Variants in CREB5 observed in about 807,000 individuals in gnomAD.
CREB5 encodes the protein cAMP responsive element binding protein 5, also known as cyclic AMP-responsive element-binding protein 5.
CREB5 carries 19 observed loss-of-function variants against 57.1 expected under a neutral mutation model. The observed-to-expected ratio is 0.33, with a 90% CI of 0.23 to 0.49. CREB5 has a LOEUF of 0.49. Among genes scored for constraint, CREB5 ranks in the 20% least tolerant of loss-of-function variants. The probability of loss-of-function intolerance (pLI) is 0.99; values close to 1 mark genes in which losing one functional copy is unlikely to be tolerated. For synonymous variants in CREB5, 238 were observed against 238.3 expected, an observed-to-expected ratio of 1.00 and a Z score of 0.01; for missense variants, 579 against 671.6, an observed-to-expected ratio of 0.86 and a Z score of 1.52.
chr7:28,556,468 G>A (rs1794883520), intron 4 of CREB5, among the ~76,000 whole-genome samples: 1 of 151,994 alleles, frequency 6.6e-6, no homozygotes. Context: ...GTTTTTTTCA[G>A]CCCAATCATG....
At chr7:28,543,301 G>A (rs757437377) in intron 4 of CREB5, among the ~76,000 whole-genome samples, 1 of 152,014 alleles carries the variant, frequency 6.6e-6, no homozygotes, top group South Asian at 2.1e-4. Flanking sequence ...CCTTGTTAAT[G>A]GTTTCTTTCA....
At position 28,691,083 on chromosome 7, in the gene CREB5, G is replaced by A. The variant is rs560672332; in HGVS notation, c.465-27670G>A. Among the ~76,000 whole-genome samples the A allele has an allele frequency of 1.6e-3, 243 of 152,260 alleles. 1 individual carries two copies. The highest frequency in any genetic ancestry group is 5.7e-3 in the African/African-American group (237 of 41,538). ...AAAATAAAGTGAGATGGAGGTGAGT[G>A]AATTCAGTTATGAGAACTGAATTCT... On this transcript the variant is annotated intron_variant, in intron 5 of 10. Coordinates refer to ENST00000357727, the MANE Select transcript of CREB5 (RefSeq NM_182898.4).
chr7:28,817,194 A>T (rs1809489577), intron 9 of CREB5, among the ~76,000 whole-genome samples: 1 of 152,204 alleles, frequency 6.6e-6, no homozygotes, highest in African/African-American at 2.4e-5. Flanking sequence ...CAATGAACTC[A>T]ATCAAATTAA....
chr7:28,435,553 C>T (rs1788926707), intron 1 of CREB5: 2 of 846,698 alleles, frequency 2.4e-6, no homozygotes, highest in African/African-American at 1.8e-5. Context: ...ATTTAAGTGT[C>T]AGCTGCATCA....
intron 1 of CREB5, among the ~76,000 whole-genome samples, chr7:28,462,951 T>TGTTGCTGGTACTTTTA (rs910218235): frequency 1.3e-5 from 2 of 152,132 alleles, no homozygotes; most frequent in Non-Finnish European, 2.9e-5. Flanking sequence ...TTTTTTCTTT[T>TGTTGCTGGTACTTTTA]GTTGCTGGTA....
intron 1 of CREB5, among the ~76,000 whole-genome samples, chr7:28,362,846 C>A (rs1355558339): frequency 6.6e-6 from 1 of 152,040 alleles, no homozygotes; most frequent in Non-Finnish European, 1.5e-5. Context: ...GTTTGACACC[C>A]CTGAGGCTCA....
At chr7:28,727,448 G>A (rs1803387550) in intron 7 of CREB5, among the ~76,000 whole-genome samples, 1 of 152,130 alleles carries the variant, frequency 6.6e-6, no homozygotes. Context: ...ACATTCAAAG[G>A]GGAAAAGGAG....
chr7:28,556,606 G>A (rs1794890713), intron 4 of CREB5, among the ~76,000 whole-genome samples: 1 of 151,994 alleles, frequency 6.6e-6, no homozygotes, highest in African/African-American at 2.4e-5. Flanking sequence ...TGTGTATTAT[G>A]GATATACTGG....
intron 5 of CREB5, among the ~76,000 whole-genome samples, chr7:28,678,775 C>T (rs947355590): frequency 6.6e-6 from 1 of 152,168 alleles, no homozygotes; most frequent in East Asian, 1.9e-4. Flanking sequence ...GACCCAAGAG[C>T]TTCATGTTTG....
chr7:28,812,448 A>ATT (rs973723055), intron 9 of CREB5, among the ~76,000 whole-genome samples: 6 of 151,890 alleles, frequency 4.0e-5, no homozygotes, highest in African/African-American at 1.5e-4. Context: ...TAATGCACTG[A>ATT]TTTTTTTTCA....
intron 1 of CREB5, among the ~76,000 whole-genome samples, chr7:28,418,176 A>C (rs1015531219): frequency 1.3e-5 from 2 of 152,210 alleles, no homozygotes; most frequent in Non-Finnish European, 2.9e-5. Flanking sequence ...TGCCTAGACC[A>C]GATTTTCTCA....
intron 1 of CREB5, among the ~76,000 whole-genome samples, chr7:28,334,192 G>C (rs893667017): frequency 2.0e-5 from 3 of 152,156 alleles, no homozygotes; most frequent in Non-Finnish European, 4.4e-5. Context: ...TTTCACTCTT[G>C]TTGCCCAGGC....
At chr7:28,679,615 C>G (rs1358418606) in intron 5 of CREB5, among the ~76,000 whole-genome samples, 1 of 152,188 alleles carries the variant, frequency 6.6e-6, no homozygotes, top group East Asian at 1.9e-4. Flanking sequence ...TCTACTCCAA[C>G]CCTCATCCCT....
intron 5 of CREB5, among the ~76,000 whole-genome samples, chr7:28,697,792 G>A (rs1360068377): frequency 1.3e-5 from 2 of 152,178 alleles, no homozygotes; most frequent in Non-Finnish European, 2.9e-5. Context: ...GAAGGAATGA[G>A]TTAGAAAGGT....
intron 1 of CREB5, among the ~76,000 whole-genome samples, chr7:28,437,499 A>G (rs1450215431): frequency 6.6e-6 from 1 of 152,134 alleles, no homozygotes; most frequent in African/African-American, 2.4e-5. Context: ...TCTTCCTTCT[A>G]TCATCTTCTA....
chr7:28,773,365 A>G (rs1460349070), intron 7 of CREB5, among the ~76,000 whole-genome samples: 2 of 152,234 alleles, frequency 1.3e-5, no homozygotes, highest in Non-Finnish European at 2.9e-5. Context: ...AAGCTTAAGC[A>G]TAATTACCTA....
intron 7 of CREB5, among the ~76,000 whole-genome samples, chr7:28,734,504 TG>T (rs1423195936): frequency 6.6e-6 from 1 of 152,128 alleles, no homozygotes; most frequent in Non-Finnish European, 1.5e-5. Context: ...ATTTATCTTA[TG>T]GGGTTTCACT....
chr7:28,614,108 C>T (rs1279783839), intron 5 of CREB5, among the ~76,000 whole-genome samples: 1 of 152,136 alleles, frequency 6.6e-6, no homozygotes, highest in Non-Finnish European at 1.5e-5. Context: ...TACAGGCACA[C>T]AACCCCACAC....
chr7:28,646,460 G>A (rs1276556177), intron 5 of CREB5, among the ~76,000 whole-genome samples: 1 of 152,168 alleles, frequency 6.6e-6, no homozygotes, highest in South Asian at 2.1e-4. Flanking sequence ...ACAATTTGAG[G>A]TGATACCTGC....
Sources: allele counts gnomAD v4.1 joint callset (sites outside exome capture counted in the v4.1 genomes callset), GRCh38; gene constraint gnomAD v4.1.1; transcripts MANE v1.5; gene names NCBI Gene and HGNC (gene_info 2026-07-23, HGNC 2026-07-21).